Variants in NAT2 observed in about 807,000 individuals in gnomAD.
The protein encoded by NAT2 is arylamine N-acetyltransferase 2.
For missense variants in NAT2, 428 were observed against 339.1 expected (o/e 1.26, Z -2.06); for synonymous variants, 137 against 125.9 (o/e 1.09, Z -0.59).
intron 1 of NAT2, among the ~76,000 whole-genome samples, chr8:18,392,366 A>G (rs185881667): frequency 1.8e-4 from 28 of 152,334 alleles, no homozygotes; most frequent in East Asian, 1.9e-4. Context: ...GGAAGCCGAC[A>G]GTGCAGCCTT....
Position 18,400,269 on chromosome 8 carries a change from TAGG to T in NAT2, c.270_272del (p.Gly91del). ...ACAATCGGTTTTCAGACCACAATGT[TAGG>T]AGGGTATTTTTACATCCCTCCAGTT... On this transcript the variant is annotated inframe_deletion, in exon 2 of 2. Transcript: ENST00000286479. The T allele has an allele frequency of 6.8e-6, 11 of 1,613,460 alleles. No homozygotes were observed. The highest frequency in any genetic ancestry group is 9.3e-6 in the Non-Finnish European group (11 of 1,179,664).
chr8:18,399,252 C>A (rs1800747262), intron 1 of NAT2, among the ~76,000 whole-genome samples: 1 of 152,190 alleles, frequency 6.6e-6, no homozygotes, highest in African/African-American at 2.4e-5. Context: ...TCCTTAAAGT[C>A]TTAGTGAGCC....
At chr8:18,399,942 G>A (rs769637928) in intron 1 of NAT2, 56 bp from the exon 2 acceptor site, 146 of 1,497,960 alleles carry the variant, frequency 9.7e-5, no homozygotes, top group Non-Finnish European at 1.2e-4. Context: ...TTAGTCACAC[G>A]AGGAAATCAA....
At chr8:18,397,248 GA>G (rs543155206) in intron 1 of NAT2, among the ~76,000 whole-genome samples, 23 of 152,012 alleles carry the variant, frequency 1.5e-4, no homozygotes, top group Middle Eastern at 3.4e-3. Context: ...AAGACAAATA[GA>G]AAAATGTATT....
chr8:18,400,841 G>A lies in NAT2; in HGVS notation c.838G>A (p.Val280Met), dbSNP rs56393504. The A allele has an allele frequency of 1.4e-3, 2,209 of 1,606,482 alleles. 27 individuals carry two copies. The African/African-American group carries it at 0.026, about 19-fold the overall frequency. ...IFKISLGRNL[V>M]PKPGDGSLTI is the part of the protein sequence containing the mutation. ...TAAGATTTCCTTGGGGAGAAATCTC[G>A]TGCCCAAACCTGGTGATGGATCCCT... is the stretch of plus-strand genomic sequence containing the variant. Residue 280 changes from valine to methionine, a missense_variant, in exon 2 of 2, where the codon GTG becomes ATG. Transcript: ENST00000286479.
rs1427989661 is a variant in NAT2 at position 18,400,287 on chromosome 8, T to C, written c.284T>C (p.Ile95Thr). 6.2e-7 allele frequency: 1 copy of C among 1,613,642 alleles called. No individual in the cohort carries two copies. Among genetic ancestry groups the C allele is most frequent in the Non-Finnish European group, 8.5e-7 (1 of 1,179,806 alleles). ...QTTMLGGYFY[I>T]PPVNKYSTGM... ...ACAATGTTAGGAGGGTATTTTTACATCCCTCCAGTTAACAAATACAGCACT... is the reference window on the plus strand; with the variant it reads ...ACAATGTTAGGAGGGTATTTTTACACCCCTCCAGTTAACAAATACAGCACT... The change falls in exon 2 of 2, where the codon ATC (isoleucine) becomes ACC (threonine). Residue 95 changes from isoleucine to threonine, a missense_variant. Coordinates refer to ENST00000286479, the MANE Select transcript of NAT2 (RefSeq NM_000015.3).
intron 1 of NAT2, among the ~76,000 whole-genome samples, chr8:18,398,518 C>A (rs1000640435): frequency 1.3e-5 from 2 of 152,086 alleles, no homozygotes; most frequent in Non-Finnish European, 2.9e-5. Context: ...AGATAGGAGG[C>A]CAGGAGAAGG....
rs1374618811 is a variant in NAT2 at position 18,400,579 on chromosome 8, T to C, written c.576T>C (p.Phe192=). Residue 192 remains phenylalanine, a synonymous_variant, in exon 2 of 2, where the codon TTT becomes TTC. Coordinates refer to ENST00000286479, the MANE Select transcript of NAT2 (RefSeq NM_000015.3). Reference sequence around the variant, plus strand: ...AGAAACACCAAAAAATATACTTATTTACGCTTGAACCTCGAACAATTGAAG... The same window carrying C: ...AGAAACACCAAAAAATATACTTATTCACGCTTGAACCTCGAACAATTGAAG... ...PKKKHQKIYL[F]TLEPRTIEDF... 1 of 1,612,674 alleles carries C rather than the reference T, an allele frequency of 6.2e-7. No individual in the cohort carries two copies.
At chr8:18,388,033 C>G (rs902001266), upstream of NAT2, among the ~76,000 whole-genome samples, 2 of 152,176 alleles carry the variant, frequency 1.3e-5, no homozygotes, top group African/African-American at 4.8e-5. Flanking sequence ...GGACTTATAT[C>G]ACAATGGTTA....
In NAT2 at chr8:18,400,644, C is replaced by T. The variant is rs1800775736; in HGVS notation, c.641C>T (p.Thr214Ile). Reference sequence around the variant, plus strand: ...AATACATACCTGCAGACGTCTCCAACATCTTCATTTATAACCACATCATTT... The same window carrying T: ...AATACATACCTGCAGACGTCTCCAATATCTTCATTTATAACCACATCATTT... ...SMNTYLQTSP[T>I]SSFITTSFCS... Residue 214 changes from threonine (T) to isoleucine (I), a missense_variant, in exon 2 of 2, where the codon ACA (threonine) becomes ATA (isoleucine). By Grantham distance (89) the Thr-to-Ile change is moderately conservative. Transcript: ENST00000286479. 1.9e-6 allele frequency: 3 copies of T among 1,614,036 alleles called. No individual in the cohort carries two copies. Among genetic ancestry groups the T allele is most frequent in the African/African-American group, 1.3e-5 (1 of 75,026 alleles).
chr8:18,393,140 T>C (rs1051036209), intron 1 of NAT2, among the ~76,000 whole-genome samples: 3 of 151,972 alleles, frequency 2.0e-5, no homozygotes, highest in Non-Finnish European at 4.4e-5. Flanking sequence ...GGGTAAAATA[T>C]TTTGATTTTC....
At chr8:18,391,378 A>T (rs970482865) in intron 1 of NAT2, 33 bp downstream of exon 1, 10 of 152,110 alleles carry the variant, frequency 6.6e-5, no homozygotes, top group African/African-American at 2.2e-4. Flanking sequence ...TTTGCAGTGT[A>T]CTTTGAAAGT....
chr8:18,393,765 G>A (rs117863834), intron 1 of NAT2, among the ~76,000 whole-genome samples: 4,143 of 152,262 alleles, frequency 0.027, 65 homozygotes, highest in Middle Eastern at 0.065. Context: ...AGAAAACGTT[G>A]AAAATGTTAC....
chr8:18,386,866 GAA>G (rs1203814893), upstream of NAT2, among the ~76,000 whole-genome samples: 4 of 152,196 alleles, frequency 2.6e-5, no homozygotes, highest in African/African-American at 4.8e-5. Context: ...GGACGACGCT[GAA>G]ACATTCTTTT....
At chr8:18,399,959 A>C in intron 1 of NAT2, 39 bp from the exon 2 acceptor site, 1 of 1,517,920 alleles carries the variant, frequency 6.6e-7, no homozygotes, top group Non-Finnish European at 8.8e-7. Context: ...TCAAATGCTA[A>C]AGTATGATAT....
At chr8:18,393,955 C>T (rs556488960) in intron 1 of NAT2, among the ~76,000 whole-genome samples, 3 of 152,312 alleles carry the variant, frequency 2.0e-5, no homozygotes, top group South Asian at 2.1e-4. Context: ...CATGCACATC[C>T]GTGTGAAGAG....
At chr8:18,388,064 G>C (rs1361446897), upstream of NAT2, among the ~76,000 whole-genome samples, 2 of 152,152 alleles carry the variant, frequency 1.3e-5, no homozygotes, top group African/African-American at 4.8e-5. Flanking sequence ...CCTTCTGCCA[G>C]GAGCATGAAG....
chr8:18,399,437 G>T (rs1270581199), intron 1 of NAT2, among the ~76,000 whole-genome samples: 1 of 152,114 alleles, frequency 6.6e-6, no homozygotes, highest in Non-Finnish European at 1.5e-5. Flanking sequence ...TTGAGGGCAA[G>T]CAAGTACTAG....
chr8:18,396,428 T>G (rs1002323984), intron 1 of NAT2, among the ~76,000 whole-genome samples: 2 of 152,218 alleles, frequency 1.3e-5, no homozygotes, highest in Non-Finnish European at 2.9e-5. Flanking sequence ...CTAAAAAATT[T>G]TTTTTTGTTC....
Sources: gnomAD v4.1 joint callset for allele counts (sites outside exome capture counted in the v4.1 genomes callset) on GRCh38, gnomAD v4.1.1 for gene constraint, MANE v1.5 for transcripts, NCBI Gene and HGNC (gene_info 2026-07-23, HGNC 2026-07-21) for gene names.